OOEP: variants seen among roughly 807,000 people sequenced by gnomAD.
OOEP encodes oocyte expressed protein, also known as oocyte-expressed protein homolog.
In OOEP, 16 loss-of-function variants were observed where a neutral mutation model predicts 13.7. The ratio of observed to expected loss-of-function variants is 1.16; its 90% CI spans 0.79 to 1.77. The LOEUF is 1.77. Ranked by LOEUF, OOEP falls within the 40% of genes most tolerant of loss-of-function variation. OOEP has a pLI of 0.00. For missense variants in OOEP, 195 were observed against 193.1 expected (o/e 1.01, Z -0.06); for synonymous variants, 89 against 77.1 (o/e 1.15, Z -0.81).
At position 73,369,275 on chromosome 6, in the gene OOEP, G is replaced by T. The variant is rs746053383; in HGVS notation, c.301C>A (p.Arg101Ser). ...LVEITVFGRPRVQNRVKSMLL... is the reference protein window; with the variant it reads ...LVEITVFGRPSVQNRVKSMLL... ...ATGCTCTTCACCCGATTCTGTACAC[G>T]GGGCCGCCCGAAAACGGTGATTTCG... Residue 101 changes from arginine (R) to serine (S), a missense_variant, in exon 2 of 3, where the codon CGT becomes AGT. By Grantham distance (110) the Arg-to-Ser change is moderately radical. Transcript: ENST00000370359. 4 of 1,613,888 alleles carry T rather than the reference G, an allele frequency of 2.5e-6. No homozygotes were observed. The highest frequency in any genetic ancestry group is 1.1e-5 in the South Asian group (1 of 91,062).
chr6:73,368,962 C>A (rs1214195576), intron 2 of OOEP, 99 bp from the exon 3 acceptor site: 2 of 976,070 alleles, frequency 2.0e-6, no homozygotes, highest in African/African-American at 3.2e-5. Context: ...GAAAGATCTG[C>A]GATAGTGCTG....
At chr6:73,373,046 A>AT, upstream of OOEP, 3 of 1,319,874 alleles carry the variant, frequency 2.3e-6, no homozygotes, top group Non-Finnish European at 3.3e-6. Context: ...TCAGCTTGAT[A>AT]TGGTAACATG....
At chr6:73,374,822 CTTAT>C (rs1293811578), upstream of OOEP, among the ~76,000 whole-genome samples, 4 of 152,154 alleles carry the variant, frequency 2.6e-5, no homozygotes, top group South Asian at 2.1e-4. Flanking sequence ...TATTTATTTA[CTTAT>C]TTATTTATTT....
intron 2 of OOEP, among the ~76,000 whole-genome samples, chr6:73,382,244 GT>G (rs1769220059): frequency 7.4e-6 from 1 of 135,860 alleles, no homozygotes; most frequent in African/African-American, 2.8e-5. Flanking sequence ...TTGAGATGGA[GT>G]CTCGCTGTGT....
rs557766399 is a variant in OOEP, at chr6:73,374,906, A to G, written c.26-5521T>C. Among the ~76,000 whole-genome samples, 196 of 152,094 alleles carry G rather than the reference A, an allele frequency of 1.3e-3. 1 individual carries two copies. The highest frequency in any genetic ancestry group is 3.4e-3 in the Middle Eastern group (1 of 294). On this transcript the variant is annotated intron_variant, in intron 2 of 3. Transcript: ENST00000370363. ...AGTGGCGGGATCTTGGCCCACTGCA[A>G]CCTCCACCTCCCAGGTTCAAGCTAT...
intron 2 of OOEP, among the ~76,000 whole-genome samples, chr6:73,392,942 A>G (rs749474581): frequency 2.0e-5 from 3 of 150,466 alleles, no homozygotes; most frequent in Non-Finnish European, 3.0e-5. Context: ...TATTTTTTGC[A>G]TTTTTATTAG....
chr6:73,388,239 C>G (rs1474603812), intron 2 of OOEP, among the ~76,000 whole-genome samples: 1 of 152,066 alleles, frequency 6.6e-6, no homozygotes, highest in Non-Finnish European at 1.5e-5. Flanking sequence ...TCCCCCTCCC[C>G]CAAAGTGAAA....
At chr6:73,392,557 A>G (rs1314670819) in intron 2 of OOEP, among the ~76,000 whole-genome samples, 2 of 146,112 alleles carry the variant, frequency 1.4e-5, no homozygotes, top group Non-Finnish European at 3.0e-5. Flanking sequence ...ACCCACCTCA[A>G]CCTCCCAAGG....
chr6:73,393,770 G>A (rs948553491), intron 2 of OOEP, among the ~76,000 whole-genome samples: 41 of 151,994 alleles, frequency 2.7e-4, no homozygotes, highest in African/African-American at 8.2e-4. Flanking sequence ...GTGAGTGATC[G>A]CACCACTGCA....
chr6:73,381,028 G>A (rs776654885), intron 2 of OOEP, among the ~76,000 whole-genome samples: 2 of 151,484 alleles, frequency 1.3e-5, no homozygotes, highest in African/African-American at 2.4e-5. Flanking sequence ...GCGTGGTGGC[G>A]GGCACCTGTA....
At chr6:73,391,574 C>T (rs955344050) in intron 2 of OOEP, 4 of 155,388 alleles carry the variant, frequency 2.6e-5, no homozygotes, top group Non-Finnish European at 4.3e-5. Context: ...TCAAAATACC[C>T]TGCTTCATGA....
chr6:73,385,158 A>G (rs573610490), intron 2 of OOEP, among the ~76,000 whole-genome samples: 135 of 151,878 alleles, frequency 8.9e-4, no homozygotes, highest in African/African-American at 3.1e-3. Context: ...CATCCTGGCT[A>G]ACATGGTGAA....
At chr6:73,393,809 C>G (rs1426115494) in intron 2 of OOEP, among the ~76,000 whole-genome samples, 1 of 152,116 alleles carries the variant, frequency 6.6e-6, no homozygotes, top group Non-Finnish European at 1.5e-5. Flanking sequence ...AGGTCAAAAA[C>G]AAAACAAAAG....
At chr6:73,380,121 A>G (rs1294078456) in intron 2 of OOEP, among the ~76,000 whole-genome samples, 1 of 152,190 alleles carries the variant, frequency 6.6e-6, no homozygotes. Context: ...TTTTCCAAAT[A>G]CTGACTCATT....
exon 1 of OOEP, chr6:73,394,930 A>G (rs767446508): frequency 6.2e-7 from 1 of 1,614,134 alleles, no homozygotes; most frequent in Admixed American, 1.7e-5. Context: ...AGGAGCTCCC[A>G]AGGCCTCTAC....
intron 2 of OOEP, among the ~76,000 whole-genome samples, chr6:73,379,702 G>A (rs1769177180): frequency 6.7e-6 from 1 of 149,560 alleles, no homozygotes; most frequent in Non-Finnish European, 1.5e-5. Flanking sequence ...TTTAATGTCT[G>A]GCCTAATAGA....
intron 2 of OOEP, among the ~76,000 whole-genome samples, chr6:73,389,972 A>G (rs1015263929): frequency 9.2e-5 from 14 of 152,230 alleles, no homozygotes; most frequent in African/African-American, 3.4e-4. Context: ...ACTTGAGGCC[A>G]GGAGTTAGAG....
At chr6:73,394,330 TG>T (rs1769405971) in intron 2 of OOEP, 3 of 715,650 alleles carry the variant, frequency 4.2e-6, no homozygotes, top group Non-Finnish European at 5.2e-6. Context: ...TGGGTCACCT[TG>T]TAACAGTGAC....
Position 73,383,415 on chromosome 6 carries a change from C to G in OOEP, c.25+10931G>C, listed in dbSNP as rs545543464. On this transcript the variant is annotated intron_variant, in intron 2 of 3. Transcript: ENST00000370363. ...CTTTGGTAGGCCGAGGTGGGTGGATCACTTGAGGTCAGGAGTTTGAGACCA... is the reference window on the plus strand; with the variant it reads ...CTTTGGTAGGCCGAGGTGGGTGGATGACTTGAGGTCAGGAGTTTGAGACCA... Among the ~76,000 whole-genome samples the G allele has an allele frequency of 1.1e-4, 17 of 152,274 alleles. No individual in the cohort carries two copies. The South Asian group carries it at 2.5e-3, about 22-fold the overall frequency.
Sources: allele counts gnomAD v4.1 joint callset (sites outside exome capture counted in the v4.1 genomes callset), GRCh38; gene constraint gnomAD v4.1.1; transcripts MANE v1.5; gene names NCBI Gene and HGNC (gene_info 2026-07-23, HGNC 2026-07-21).